The following ROBO1 variants were observed in gnomAD, a reference collection of about 807,000 sequenced individuals.
ROBO1 encodes roundabout guidance receptor 1.
Under a neutral mutation model 195.9 loss-of-function variants are expected in ROBO1, and 149 were observed. The observed-to-expected ratio is 0.76, with a 90% confidence interval of 0.67 to 0.87. ROBO1 has a LOEUF of 0.87. ROBO1 is among the 40% of genes least tolerant of loss of function. The pLI is 0.00. For missense variants in ROBO1, 1,933 were observed against 2,068.3 expected, an observed-to-expected ratio of 0.93 and a Z score of 1.27; for synonymous variants, 816 against 733.2, an observed-to-expected ratio of 1.11 and a Z score of -1.82.
intron 4 of ROBO1, among the ~76,000 whole-genome samples, chr3:78,845,793 T>A (rs1331358544): frequency 6.6e-6 from 1 of 152,160 alleles, no homozygotes; most frequent in Non-Finnish European, 1.5e-5. Flanking sequence ...TCTGGAAAAG[T>A]GCAATAAACT....
chr3:79,369,216 G>A (rs1370298046), intron 2 of ROBO1, among the ~76,000 whole-genome samples: 1 of 152,182 alleles, frequency 6.6e-6, no homozygotes, highest in Non-Finnish European at 1.5e-5. Flanking sequence ...TCAATCCAGA[G>A]AGATACTGTC....
intron 4 of ROBO1, among the ~76,000 whole-genome samples, chr3:78,909,206 C>T (rs2038100629): frequency 6.6e-6 from 1 of 151,228 alleles, no homozygotes; most frequent in Non-Finnish European, 1.5e-5. Flanking sequence ...TCCAGTTGGC[C>T]TACATATATT....
At chr3:78,615,628 A>G (rs1704069268) in intron 27 of ROBO1, among the ~76,000 whole-genome samples, 1 of 152,198 alleles carries the variant, frequency 6.6e-6, no homozygotes, top group Non-Finnish European at 1.5e-5. Context: ...TATTGGTCCT[A>G]TGTTTGACTT....
chr3:78,685,068 T>C (rs2081021210), intron 10 of ROBO1, among the ~76,000 whole-genome samples: 1 of 152,174 alleles, frequency 6.6e-6, no homozygotes, highest in Non-Finnish European at 1.5e-5. Flanking sequence ...TTGTAACACT[T>C]TCTTGATTGC....
intron 3 of ROBO1, among the ~76,000 whole-genome samples, chr3:79,113,716 G>A (rs548431246): frequency 1.3e-5 from 2 of 152,108 alleles, no homozygotes; most frequent in South Asian, 2.1e-4. Flanking sequence ...GCAGTGAGCC[G>A]AGATCCTGCC....
intron 16 of ROBO1, chr3:78,660,237 T>C (rs2107662899): frequency 6.4e-6 from 1 of 156,220 alleles, no homozygotes; most frequent in Middle Eastern, 3.4e-3. Context: ...GTTTTAAAGA[T>C]GTATCTCATC....
chr3:79,668,666 A>G (rs745323191), intron 1 of ROBO1, among the ~76,000 whole-genome samples: 4 of 139,840 alleles, frequency 2.9e-5, no homozygotes, highest in African/African-American at 1.3e-4. Context: ...TAAGCAATTT[A>G]CACACACACA....
At chr3:79,606,282 C>T (rs980539225) in intron 1 of ROBO1, among the ~76,000 whole-genome samples, 5 of 151,836 alleles carry the variant, frequency 3.3e-5, no homozygotes, top group African/African-American at 9.7e-5. Flanking sequence ...TCTAAGGATT[C>T]GGCTCCCTCA....
chr3:79,118,863 CA>C (rs532805479), intron 3 of ROBO1, among the ~76,000 whole-genome samples: 7,600 of 69,612 alleles, frequency 0.11, 325 homozygotes, highest in African/African-American at 0.24. Context: ...GACTCCAACT[CA>C]AAAAAAAAAA....
At chr3:79,105,816 C>A (rs72894172) in intron 3 of ROBO1, among the ~76,000 whole-genome samples, 1 of 151,596 alleles carries the variant, frequency 6.6e-6, no homozygotes, top group Non-Finnish European at 1.5e-5. Context: ...CCAATTTCAG[C>A]GTAGTGTTGG....
At chr3:79,668,166 A>G (rs1448245671) in intron 1 of ROBO1, among the ~76,000 whole-genome samples, 3 of 151,882 alleles carry the variant, frequency 2.0e-5, no homozygotes, top group African/African-American at 7.2e-5. Context: ...GCTTTATTTT[A>G]TACATTACTG....
At chr3:78,800,189 G>A (rs2084321780) in intron 4 of ROBO1, among the ~76,000 whole-genome samples, 1 of 152,062 alleles carries the variant, frequency 6.6e-6, no homozygotes, top group African/African-American at 2.4e-5. Context: ...CTATTAAAAT[G>A]TATTTTAAAA....
At chr3:79,041,727 T>C (rs2078490998) in intron 3 of ROBO1, among the ~76,000 whole-genome samples, 1 of 152,108 alleles carries the variant, frequency 6.6e-6, no homozygotes, top group African/African-American at 2.4e-5. Flanking sequence ...CTTAATACTT[T>C]ATTTTCCACA....
At chr3:79,574,195 T>A (rs1157490551) in intron 2 of ROBO1, among the ~76,000 whole-genome samples, 1 of 152,120 alleles carries the variant, frequency 6.6e-6, no homozygotes, top group Non-Finnish European at 1.5e-5. Context: ...TCTGAGTCTA[T>A]CAGACATTTC....
intron 4 of ROBO1, among the ~76,000 whole-genome samples, chr3:78,868,289 A>G (rs2035306277): frequency 1.3e-5 from 2 of 152,118 alleles, no homozygotes. Flanking sequence ...CTCAGTAACA[A>G]GATTACTTTA....
At chr3:78,981,818 C>CACAA (rs1232350824) in intron 3 of ROBO1, among the ~76,000 whole-genome samples, 1 of 151,846 alleles carries the variant, frequency 6.6e-6, no homozygotes, top group Non-Finnish European at 1.5e-5. Flanking sequence ...CACACACACA[C>CACAA]ACACACAAAA....
chr3:79,694,218 C>G (rs193137208), intron 1 of ROBO1, among the ~76,000 whole-genome samples: 18 of 151,844 alleles, frequency 1.2e-4, no homozygotes, highest in Non-Finnish European at 2.7e-4. Flanking sequence ...AATACAAATT[C>G]CTTACAGAAA....
intron 2 of ROBO1, among the ~76,000 whole-genome samples, chr3:79,172,654 A>C (rs561336973): frequency 2.6e-5 from 4 of 151,598 alleles, no homozygotes; most frequent in African/African-American, 7.3e-5. Flanking sequence ...CATTATTTTC[A>C]ATTTTTTTTT....
rs1294669496 is a variant in ROBO1, at chr3:78,938,666, T to C, written c.434A>G (p.Tyr145Cys). 2.5e-6 allele frequency: 4 copies of C among 1,613,852 alleles called. No homozygotes were observed. The highest frequency in any genetic ancestry group is 1.6e-4 in the Middle Eastern group (1 of 6,084). Residue 145 changes from tyrosine to cysteine, a missense_variant, in exon 4 of 31, where the codon TAT (tyrosine) becomes TGT (cysteine). By Grantham distance (194) the Tyr-to-Cys change is radical (BLOSUM62 -2). This residue lies in a region of ROBO1 where 1,737 missense variants were observed against 1,882.5 expected (regional missense o/e 0.92). Transcript: ENST00000464233. ...GRKSRPDEGV[Y>C]VCVARNYLGE... Reference sequence around the variant, plus strand: ...AAGGTAATTCCTTGCTACACAGACATAGACTCCTTCATCAGGTCTACTTTT... The same window carrying C: ...AAGGTAATTCCTTGCTACACAGACACAGACTCCTTCATCAGGTCTACTTTT...
Sources: gnomAD v4.1 joint callset for allele counts (sites outside exome capture counted in the v4.1 genomes callset) on GRCh38, gnomAD v4.1.1 for gene constraint, gnomAD v4.1.1 regional missense constraint, MANE v1.5 for transcripts, NCBI Gene and HGNC (gene_info 2026-07-23, HGNC 2026-07-21) for gene names.